The following GPHN variants were observed in gnomAD, a reference collection of about 807,000 sequenced individuals.
GPHN encodes the protein gephyrin.
A neutral mutation model predicts 95.5 loss-of-function variants in GPHN; 17 were observed. That is an observed-to-expected ratio of 0.18 (90% confidence interval 0.12 to 0.27). GPHN has a LOEUF of 0.27. Among genes scored for constraint, GPHN ranks in the 10% least tolerant of loss-of-function variants. GPHN has a pLI of 1.00. For missense variants in GPHN, 660 were observed against 978.1 expected, an observed-to-expected ratio of 0.67 and a Z score of 4.34; for synonymous variants, 320 against 322.5, an observed-to-expected ratio of 0.99 and a Z score of 0.08.
At chr14:67,230,133 GA>G in the GPHN span, among the ~76,000 whole-genome samples, 67 of 152,238 alleles carry the variant, frequency 4.4e-4, no homozygotes, top group African/African-American at 1.3e-3. Flanking sequence ...CACTTGGGGG[GA>G]AAAAGATTAA....
chr14:67,433,400 ATTAAT>A, the GPHN span, among the ~76,000 whole-genome samples: 1 of 152,210 alleles, frequency 6.6e-6, no homozygotes, highest in Non-Finnish European at 1.5e-5. Context: ...GTGGTTCAGA[ATTAAT>A]TTAACTTGGA....
chr14:67,289,730 C>A, the GPHN span, among the ~76,000 whole-genome samples: 1 of 149,440 alleles, frequency 6.7e-6, no homozygotes, highest in African/African-American at 2.5e-5. Context: ...AAGAAGAGAG[C>A]TGACAAAAAG....
At chr14:67,429,524 T>C in the GPHN span, among the ~76,000 whole-genome samples, 2 of 145,418 alleles carry the variant, frequency 1.4e-5, no homozygotes, top group African/African-American at 5.0e-5. Context: ...TCTTTTGAGG[T>C]CAGGAGTTTG....
intron 1 of GPHN, among the ~76,000 whole-genome samples, chr14:66,659,184 G>A (rs10148668): frequency 0.33 from 49,743 of 151,150 alleles, 11,985 homozygotes; most frequent in African/African-American, 0.66. Flanking sequence ...TTGTGTGCAC[G>A]CGTTTAATTT....
chr14:67,110,160 A>G lies in GPHN; in HGVS notation c.1314A>G (p.Pro438=), dbSNP rs1271040585. The G allele has an allele frequency of 1.2e-6, 2 of 1,613,224 alleles. No individual in the cohort carries two copies. The highest frequency in any genetic ancestry group is 2.2e-5 in the South Asian group (2 of 91,072). ...AGEQPTQTVM[P]GQVMRVTTGA... ...TCCAGCCAACTCAGACAGTAATGCC[A>G]GGACAAGTCATGCGGGTTACAACAG... Residue 438 remains proline, a synonymous_variant, in exon 14 of 23, where the codon CCA becomes CCG. Coordinates refer to ENST00000478722, the MANE Select transcript of GPHN (RefSeq NM_020806.5).
rs565173721 is a variant in GPHN, at chr14:66,714,314, TAGA to T, written c.143+33133_143+33135del. On this transcript the variant is annotated intron_variant, in intron 2 of 22. Coordinates refer to ENST00000478722, the MANE Select transcript of GPHN (RefSeq NM_020806.5). ...TCTCTGTTTGGTTGCTGTTTGTGTG[TAGA>T]AGAGCTACTGATTTGTGTACATTAA... 3.3e-5 allele frequency among the ~76,000 whole-genome samples: 5 copies of T among 152,342 alleles called. No individual in the cohort carries two copies. In the East Asian group the frequency reaches 9.6e-4, roughly 29 times the overall value.
At chr14:67,455,504 T>C in the GPHN span, among the ~76,000 whole-genome samples, 5 of 152,222 alleles carry the variant, frequency 3.3e-5, no homozygotes, top group Non-Finnish European at 5.9e-5. Flanking sequence ...TCCTATCTTG[T>C]AGTTCTGACA....
At chr14:66,791,144 T>C (rs900376898) in intron 3 of GPHN, among the ~76,000 whole-genome samples, 3 of 152,196 alleles carry the variant, frequency 2.0e-5, no homozygotes, top group Non-Finnish European at 4.4e-5. Context: ...TAAGAGAGAC[T>C]CTAACTTTCC....
chr14:66,524,071 T>TGATAGTCTCTAAGGCTTGTTAAGAC (rs2058588477), intron 1 of GPHN, among the ~76,000 whole-genome samples: 1 of 152,260 alleles, frequency 6.6e-6, no homozygotes, highest in African/African-American at 2.4e-5. Context: ...AGACTGCCTC[T>TGATAGTCTCTAAGGCTTGTTAAGAC]GATAGTCTCT....
At chr14:66,945,333 C>T (rs577962344) in intron 8 of GPHN, among the ~76,000 whole-genome samples, 17 of 152,328 alleles carry the variant, frequency 1.1e-4, no homozygotes, top group African/African-American at 4.1e-4. Context: ...TCTAAACTTC[C>T]CATAGCTCCA....
chr14:66,555,225 T>C (rs1224792387), intron 1 of GPHN, among the ~76,000 whole-genome samples: 1 of 152,210 alleles, frequency 6.6e-6, no homozygotes, highest in Non-Finnish European at 1.5e-5. Flanking sequence ...ATATTATGCA[T>C]ATGGTATATA....
intron 4 of GPHN, among the ~76,000 whole-genome samples, chr14:66,844,068 A>G (rs2062210678): frequency 6.6e-6 from 1 of 152,088 alleles, no homozygotes; most frequent in East Asian, 1.9e-4. Context: ...CTCTAAAAAT[A>G]AATTTAATTA....
intron 2 of GPHN, among the ~76,000 whole-genome samples, chr14:66,757,135 G>A (rs1264507485): frequency 6.6e-6 from 1 of 151,978 alleles, no homozygotes; most frequent in Non-Finnish European, 1.5e-5. Context: ...GTGGAGGTGG[G>A]GAATCCAGGA....
At chr14:66,625,075 C>T (rs2063468503) in intron 1 of GPHN, among the ~76,000 whole-genome samples, 1 of 151,558 alleles carries the variant, frequency 6.6e-6, no homozygotes, top group Non-Finnish European at 1.5e-5. Context: ...GGAAACTTGT[C>T]TTTTTTTTTC....
the GPHN span, among the ~76,000 whole-genome samples, chr14:67,662,014 G>A: frequency 5.9e-5 from 9 of 152,072 alleles, no homozygotes; most frequent in African/African-American, 2.2e-4. Flanking sequence ...AAAACAGCCA[G>A]GTGTGGTGGC....
At chr14:67,432,632 T>C in the GPHN span, among the ~76,000 whole-genome samples, 1 of 152,202 alleles carries the variant, frequency 6.6e-6, no homozygotes, top group African/African-American at 2.4e-5. Context: ...CCATGACAAA[T>C]TGCCACAAAC....
At chr14:67,429,109 G>A in the GPHN span, among the ~76,000 whole-genome samples, 1 of 152,160 alleles carries the variant, frequency 6.6e-6, no homozygotes, top group Non-Finnish European at 1.5e-5. Flanking sequence ...ACAAAGCTCA[G>A]CTGGGCTGAA....
chr14:66,526,525 G>A (rs1272494466), intron 1 of GPHN, among the ~76,000 whole-genome samples: 1 of 152,150 alleles, frequency 6.6e-6, no homozygotes, highest in Non-Finnish European at 1.5e-5. Flanking sequence ...TGTTGAATAG[G>A]AGTGTGAGAG....
At chr14:67,591,060 C>T in the GPHN span, among the ~76,000 whole-genome samples, 3 of 151,634 alleles carry the variant, frequency 2.0e-5, no homozygotes, top group Non-Finnish European at 4.4e-5. Flanking sequence ...AAGTGCACTA[C>T]CTAAAATATA....
Sources: allele counts gnomAD v4.1 joint callset (sites outside exome capture counted in the v4.1 genomes callset), GRCh38; gene constraint gnomAD v4.1.1; transcripts MANE v1.5; gene names NCBI Gene and HGNC (gene_info 2026-07-23, HGNC 2026-07-21).